The following TIGAR variants were observed in gnomAD, a reference collection of about 807,000 sequenced individuals.
TIGAR encodes the protein fructose-2,6-bisphosphatase TIGAR.
TIGAR carries 7 observed loss-of-function variants against 17.9 expected under a neutral mutation model. That is an observed-to-expected ratio of 0.39 (90% CI 0.22 to 0.73). The LOEUF (loss-of-function observed/expected upper bound fraction) is 0.73. Ranked by LOEUF, TIGAR falls within the 30% of genes least tolerant of loss-of-function variation. The probability of loss-of-function intolerance (pLI) is 0.42; values close to 1 mark genes in which losing one functional copy is unlikely to be tolerated. For synonymous variants in TIGAR, 94 were observed against 108.6 expected (o/e 0.87, Z 0.84); for missense variants, 258 against 327.4 (o/e 0.79, Z 1.64).
At chr12:4,352,112 C>T (rs1000929869) in intron 5 of TIGAR, 148 bp from the exon 6 acceptor site, 60 of 662,796 alleles carry the variant, frequency 9.1e-5, no homozygotes, top group East Asian at 6.0e-4. Context: ...ACTGATTGAA[C>T]GAATAGAAAT....
At chr12:4,331,144 A>T in intron 1 of TIGAR, 136 bp from the exon 2 acceptor site, 1 of 753,494 alleles carries the variant, frequency 1.3e-6, no homozygotes, top group Non-Finnish European at 2.3e-6. Context: ...TTGTTTTTAC[A>T]GGTTGGATTA....
intron 5 of TIGAR, 42 bp downstream of exon 5, chr12:4,351,419 C>A (rs1864837339): frequency 1.3e-6 from 2 of 1,532,664 alleles, no homozygotes; most frequent in South Asian, 1.1e-5. Context: ...AATTAAGACT[C>A]AAAATTAGAT....
At chr12:4,350,150 TTAAAG>T (rs1271555613) in intron 4 of TIGAR, among the ~76,000 whole-genome samples, 2 of 152,178 alleles carry the variant, frequency 1.3e-5, no homozygotes, top group Non-Finnish European at 1.5e-5. Context: ...ATAGAAGAGT[TTAAAG>T]TAAAGGTGAA....
At chr12:4,347,457 AAG>A in intron 3 of TIGAR, among the ~76,000 whole-genome samples, 2 of 152,290 alleles carry the variant, frequency 1.3e-5, no homozygotes, top group South Asian at 4.1e-4. Context: ...TACAAAAAGA[AAG>A]AATGAATAAG....
In TIGAR at chr12:4,332,238, C is replaced by CTTTTTTTTTTTTTTTT. The variant is rs777711454; in HGVS notation, c.70+928_70+943dup. Among the ~76,000 whole-genome samples the CTTTTTTTTTTTTTTTT allele has an allele frequency of 3.1e-5, 3 of 95,360 alleles. 1 individual carries two copies. The highest frequency in any genetic ancestry group is 1.9e-5 in the Non-Finnish European group (1 of 51,708). 62.6% of individuals were successfully genotyped at this position (95,360 alleles called of 152,430 possible). On this transcript the variant is annotated intron_variant, in intron 2 of 5. Coordinates refer to ENST00000179259, the MANE Select transcript of TIGAR (RefSeq NM_020375.3). ...ATAAGCATTCAAGGCTCATGTATTTCTTTTTTTTTTTTTTTTTTTTTTGAG... is the reference window on the plus strand; with the variant it reads ...ATAAGCATTCAAGGCTCATGTATTTCTTTTTTTTTTTTTTTTTTTTTTTTTTTTTTTTTTTTTTGAG...
At chr12:4,347,078 A>G (rs1377831757) in intron 3 of TIGAR, among the ~76,000 whole-genome samples, 1 of 152,236 alleles carries the variant, frequency 6.6e-6, no homozygotes, top group East Asian at 1.9e-4. Context: ...GGAAATCAGG[A>G]TATTGAAGAG....
chr12:4,357,245 G>C lies in TIGAR; in HGVS notation c.*4554G>C, dbSNP rs552312751. Among the ~76,000 whole-genome samples, 3 of 152,266 alleles carry C rather than the reference G, an allele frequency of 2.0e-5. No individual in the cohort carries two copies. The South Asian group carries it at 6.2e-4, about 32-fold the overall frequency. On this transcript the variant is annotated 3_prime_UTR_variant, in exon 6 of 6. Transcript: ENST00000179259. ...ATTACATTTACAAGTAGATGAATTC[G>C]TGTAAGTTAAATGGTTCTATTATAT... is the stretch of plus-strand genomic sequence containing the variant.
At chr12:4,349,164 A>G (rs1864811325) in intron 3 of TIGAR, among the ~76,000 whole-genome samples, 1 of 152,206 alleles carries the variant, frequency 6.6e-6, no homozygotes, top group East Asian at 1.9e-4. Flanking sequence ...TTTATAGTCT[A>G]TACAGTCTCT....
intron 1 of TIGAR, chr12:4,324,372 C>A: frequency 2.0e-6 from 2 of 1,003,140 alleles, no homozygotes; most frequent in Non-Finnish European, 1.6e-6. Context: ...AGCTGAGCCA[C>A]TACTTGAGGG....
chr12:4,323,180 C>T (rs1013106327), intron 1 of TIGAR, among the ~76,000 whole-genome samples: 2 of 150,884 alleles, frequency 1.3e-5, no homozygotes, highest in Non-Finnish European at 2.9e-5. Flanking sequence ...GCAGGAAGAT[C>T]ACTTGGATCA....
Position 4,342,343 on chromosome 12 carries a change from C to T in TIGAR, c.192+5183C>T, listed in dbSNP as rs569129502. On this transcript the variant is annotated intron_variant, in intron 3 of 5. Coordinates refer to ENST00000179259, the MANE Select transcript of TIGAR (RefSeq NM_020375.3). ...TATTATCCAGGAGAACTTCCCCAAC[C>T]TAGCAAGGCAGGCCAACATTCAAAT... 1.8e-3 allele frequency among the ~76,000 whole-genome samples: 280 copies of T among 152,178 alleles called. 1 individual carries two copies. The highest frequency in any genetic ancestry group is 6.6e-3 in the African/African-American group (272 of 41,504).
At chr12:4,345,292 C>G (rs1864767598) in intron 3 of TIGAR, among the ~76,000 whole-genome samples, 1 of 152,188 alleles carries the variant, frequency 6.6e-6, no homozygotes, top group South Asian at 2.1e-4. Flanking sequence ...AAAGAGCCCA[C>G]ATTGCCAAGT....
chr12:4,329,590 G>A (rs73044306), intron 1 of TIGAR, among the ~76,000 whole-genome samples: 37,080 of 151,888 alleles, frequency 0.24, 4,684 homozygotes, highest in African/African-American at 0.31. Flanking sequence ...ACCCACCTCG[G>A]ACTCCCAATG....
Position 4,349,874 on chromosome 12 carries a change from A to G in TIGAR, c.248A>G (p.Tyr83Cys). Reference sequence around the variant, plus strand: ...TTTTGCAAAGATATGACGGTAAAGTATGACTCAAGACTTCGGGAAAGGGTG... The same window carrying G: ...TTTTGCAAAGATATGACGGTAAAGTGTGACTCAAGACTTCGGGAAAGGGTG... The part of the protein sequence containing the change: ...SKFCKDMTVK[Y>C]DSRLRERKYG... The change falls in exon 4 of 6, where the codon TAT becomes TGT. Residue 83 changes from tyrosine to cysteine, a missense_variant. Coordinates refer to ENST00000179259, the MANE Select transcript of TIGAR (RefSeq NM_020375.3). The G allele has an allele frequency of 6.4e-7, 1 of 1,573,694 alleles. No homozygotes were observed. The highest frequency in any genetic ancestry group is 1.2e-5 in the South Asian group (1 of 82,486).
chr12:4,343,220 C>T (rs994370313), intron 3 of TIGAR, among the ~76,000 whole-genome samples: 7 of 152,086 alleles, frequency 4.6e-5, no homozygotes, highest in Non-Finnish European at 1.0e-4. Flanking sequence ...ATAGGAGCAC[C>T]CAGATTCATA....
At position 4,352,274 on chromosome 12, in the gene TIGAR, A is replaced by C; in HGVS notation, c.396A>C (p.Gly132=). 2 of 1,611,638 alleles carry C rather than the reference A, an allele frequency of 1.2e-6. No homozygotes were observed. The highest frequency in any genetic ancestry group is 1.7e-6 in the Non-Finnish European group (2 of 1,178,786). ...GETLDQVKMR[G]IDFFEFLCQL... ...TTTTCTTGTAGGTGAAAATGCGTGG[A>C]ATAGACTTTTTTGAATTTCTTTGTC... Residue 132 remains glycine (G), a synonymous_variant, in exon 6 of 6, where the codon GGA becomes GGC. Transcript: ENST00000179259.
At chr12:4,348,460 A>G (rs1254112322) in intron 3 of TIGAR, among the ~76,000 whole-genome samples, 1 of 152,238 alleles carries the variant, frequency 6.6e-6, no homozygotes, top group South Asian at 2.1e-4. Flanking sequence ...AAATTTGTTC[A>G]TATTGATGAT....
intron 1 of TIGAR, chr12:4,324,940 T>G: frequency 5.4e-6 from 1 of 185,836 alleles, no homozygotes; most frequent in Non-Finnish European, 9.2e-6. Flanking sequence ...TTTTTGTTTT[T>G]GCTTTTTTTT....
At chr12:4,329,759 A>T (rs1451089224) in intron 1 of TIGAR, among the ~76,000 whole-genome samples, 2 of 152,196 alleles carry the variant, frequency 1.3e-5, no homozygotes, top group Non-Finnish European at 2.9e-5. Flanking sequence ...AGGTAAAAGC[A>T]CATTCACTGA....
Sources: gnomAD v4.1 joint callset for allele counts (sites outside exome capture counted in the v4.1 genomes callset) on GRCh38, gnomAD v4.1.1 for gene constraint, MANE v1.5 for transcripts, NCBI Gene and HGNC (gene_info 2026-07-23, HGNC 2026-07-21) for gene names.